RRM2: variants seen among roughly 807,000 people sequenced by gnomAD.
RRM2 encodes ribonucleoside-diphosphate reductase subunit M2.
Under a neutral mutation model 45.9 loss-of-function variants are expected in RRM2, and 6 were observed. That is an observed-to-expected ratio of 0.13 (90% CI 0.07 to 0.26). The LOEUF (loss-of-function observed/expected upper bound fraction) is 0.26, where lower values mean the gene tolerates loss of function less well. RRM2 is among the 10% of genes least tolerant of loss of function. The pLI, the probability that RRM2 is intolerant of heterozygous loss-of-function variation, is 1.00. For synonymous variants in RRM2, 177 were observed against 173.0 expected (o/e 1.02, Z -0.18); for missense variants, 343 against 489.5 (o/e 0.70, Z 2.82).
At chr2:10,207,785 T>C (rs1428029605) in intron 3 of RRM2, among the ~76,000 whole-genome samples, 2 of 152,166 alleles carry the variant, frequency 1.3e-5, no homozygotes, top group Non-Finnish European at 1.5e-5. Context: ...ATCTGTGACA[T>C]TGATCACATG....
At chr2:10,134,806 T>C (rs1662964124), downstream of RRM2, among the ~76,000 whole-genome samples, 1 of 152,168 alleles carries the variant, frequency 6.6e-6, no homozygotes, top group Non-Finnish European at 1.5e-5. Context: ...AGGGAATTAT[T>C]CTAAAGAAGA....
chr2:10,150,314 G>A (rs72610734), intron 3 of RRM2, among the ~76,000 whole-genome samples: 21,373 of 151,934 alleles, frequency 0.14, 2,205 homozygotes, highest in East Asian at 0.46. Flanking sequence ...AGGCACGGTG[G>A]CAGGTGCTTA....
intron 3 of RRM2, among the ~76,000 whole-genome samples, chr2:10,179,720 T>C (rs1664004461): frequency 1.3e-5 from 2 of 152,098 alleles, no homozygotes; most frequent in South Asian, 4.1e-4. Flanking sequence ...GGAAGTACAG[T>C]TTCTATTGAA....
chr2:10,163,538 T>C (rs1036821018), intron 3 of RRM2, among the ~76,000 whole-genome samples: 3 of 152,112 alleles, frequency 2.0e-5, no homozygotes, highest in Admixed American at 1.3e-4. Flanking sequence ...TCGGCCTCAG[T>C]TTCCCCGGGT....
downstream of RRM2, among the ~76,000 whole-genome samples, chr2:10,134,694 G>A (rs1323892248): frequency 6.6e-6 from 1 of 152,198 alleles, no homozygotes; most frequent in Non-Finnish European, 1.5e-5. Context: ...ATGGGATACA[G>A]CATAACTACT....
At chr2:10,134,991 A>G (rs1662966162), downstream of RRM2, among the ~76,000 whole-genome samples, 1 of 152,230 alleles carries the variant, frequency 6.6e-6, no homozygotes. Flanking sequence ...CAAAAAGAAC[A>G]ATCATTAAAC....
exon 4 of RRM2, chr2:10,210,867 T>A: frequency 3.3e-6 from 1 of 299,566 alleles, no homozygotes; most frequent in South Asian, 3.0e-5. Context: ...CCCTTATGGT[T>A]CTCCCATGTG....
At chr2:10,142,275 G>T (rs1410082415) in exon 3 of RRM2, 3 of 1,440,460 alleles carry the variant, frequency 2.1e-6, no homozygotes, top group South Asian at 2.3e-5. Flanking sequence ...GCTCGGGAAG[G>T]TCTGACCAGC....
rs1186040809 is a variant in RRM2, at chr2:10,172,817, A to G, written n.482+30442A>G. ...AAGAATTTCAAGATGGTGGCAGCAGAGCCTGAAACCGAGCTCAGGGCCCAT... is the reference window on the plus strand; with the variant it reads ...AAGAATTTCAAGATGGTGGCAGCAGGGCCTGAAACCGAGCTCAGGGCCCAT... On this transcript the variant is annotated intron_variant and non_coding_transcript_variant, in intron 3 of 3. Transcript: ENST00000381786. The surrounding 1 kb of genome is among the most constrained non-coding windows in gnomAD (Gnocchi z 4.9). Among the ~76,000 whole-genome samples, 1 of 152,214 alleles carries G rather than the reference A, an allele frequency of 6.6e-6. No homozygotes were observed. Among genetic ancestry groups the G allele is most frequent in the Non-Finnish European group, 1.5e-5 (1 of 68,034 alleles).
chr2:10,167,764 T>G lies in RRM2; in HGVS notation n.482+25389T>G, dbSNP rs73913993. ...CTCTTCATGGCAGAGACCTATGGCC[T>G]GCCTGTCCTCATCTGAAGATAACTT... On this transcript the variant is annotated intron_variant and non_coding_transcript_variant, in intron 3 of 3. Transcript: ENST00000381786. Among the ~76,000 whole-genome samples the G allele has an allele frequency of 3.9e-3, 587 of 152,342 alleles. 4 individuals carry two copies. The highest frequency in any genetic ancestry group is 0.013 in the African/African-American group (556 of 41,572).
chr2:10,201,242 G>T (rs936006127), intron 3 of RRM2, among the ~76,000 whole-genome samples: 1 of 152,054 alleles, frequency 6.6e-6, no homozygotes. Flanking sequence ...GATACTCACA[G>T]GTAGTTTCCA....
At chr2:10,182,730 C>G (rs1248471081) in intron 3 of RRM2, among the ~76,000 whole-genome samples, 1 of 152,184 alleles carries the variant, frequency 6.6e-6, no homozygotes, top group African/African-American at 2.4e-5. Flanking sequence ...TGGTTTGAAG[C>G]AAATGGTTGC....
chr2:10,152,530 C>T (rs547159466), intron 3 of RRM2, among the ~76,000 whole-genome samples: 88 of 150,084 alleles, frequency 5.9e-4, no homozygotes, highest in Non-Finnish European at 1.0e-3. Context: ...TCACCCAGGC[C>T]AGAGTGCAGT....
chr2:10,131,046 A>C lies in RRM2; in HGVS notation c.*1660A>C, dbSNP rs1331170638. 1 of 152,228 alleles carries C rather than the reference A, an allele frequency of 6.6e-6. No individual in the cohort carries two copies. The highest frequency in any genetic ancestry group is 1.9e-4 in the East Asian group (1 of 5,204). The allele number at this position is 152,228 out of a possible 1,614,324, so 9.4% of individuals were successfully genotyped here. A position where few individuals can be genotyped will look rare whatever the true frequency, so the allele number is the denominator to read the frequency against. On this transcript the variant is annotated 3_prime_UTR_variant, in exon 10 of 10. Coordinates refer to ENST00000304567, the MANE Select transcript of RRM2 (RefSeq NM_001034.4). ...TTGGCCCCATTTGTTAATTGTATTC[A>C]GTATTTGAACGTCGTCCTGTTTATT... is the stretch of plus-strand genomic sequence containing the variant.
intron 3 of RRM2, among the ~76,000 whole-genome samples, chr2:10,188,721 G>A (rs1285478013): frequency 6.6e-6 from 1 of 152,050 alleles, no homozygotes; most frequent in Non-Finnish European, 1.5e-5. Context: ...CGAGGCATGG[G>A]GGGCATTTGT....
At chr2:10,123,688 G>A in intron 3 of RRM2, 48 bp from the exon 4 acceptor site, 3 of 1,417,644 alleles carry the variant, frequency 2.1e-6, no homozygotes, top group Non-Finnish European at 3.0e-6. Context: ...AGTCCTGTAG[G>A]CTTTACTCTC....
At chr2:10,178,523 ACCC>A (rs1016786470) in intron 3 of RRM2, among the ~76,000 whole-genome samples, 2 of 151,764 alleles carry the variant, frequency 1.3e-5, no homozygotes, top group African/African-American at 4.8e-5. Flanking sequence ...GTGCCTGGCC[ACCC>A]CTCCTGTTTG....
intron 3 of RRM2, among the ~76,000 whole-genome samples, chr2:10,177,014 G>A (rs1036331668): frequency 1.3e-4 from 20 of 152,196 alleles, no homozygotes; most frequent in African/African-American, 1.9e-4. Context: ...GGGAGGCCGA[G>A]GCGGGTGGAT....
intron 3 of RRM2, among the ~76,000 whole-genome samples, chr2:10,162,226 G>C (rs558741873): frequency 3.3e-5 from 5 of 152,318 alleles, no homozygotes; most frequent in African/African-American, 1.2e-4. Context: ...GAGCTGCCAG[G>C]CCAGGCACAA....
Sources: allele counts gnomAD v4.1 joint callset (sites outside exome capture counted in the v4.1 genomes callset), GRCh38; gene constraint gnomAD v4.1.1; non-coding constraint Gnocchi (gnomAD v3.1); transcripts MANE v1.5; gene names NCBI Gene and HGNC (gene_info 2026-07-23, HGNC 2026-07-21).